The following COMMD10 variants were observed in gnomAD, a reference collection of about 807,000 sequenced individuals.
The protein encoded by COMMD10 is COMM domain-containing protein 10.
COMMD10 carries 33 observed loss-of-function variants against 28.9 expected under a neutral mutation model. The observed-to-expected ratio is 1.14, with a 90% confidence interval of 0.87 to 1.53. COMMD10 has a LOEUF of 1.53. Among genes scored for constraint, COMMD10 ranks in the 40% most tolerant of loss-of-function variants. COMMD10 has a pLI of 0.00. For missense variants in COMMD10, 310 were observed against 233.4 expected, an observed-to-expected ratio of 1.33 and a Z score of -2.14; for synonymous variants, 110 against 81.7, an observed-to-expected ratio of 1.35 and a Z score of -1.87.
At chr5:116,085,216 G>T in intron 1 of COMMD10, 123 bp downstream of exon 1, 1 of 716,906 alleles carries the variant, frequency 1.4e-6, no homozygotes, top group Non-Finnish European at 2.4e-6. Context: ...GTGGGGTGGG[G>T]TGGGGTGGGC....
intron 4 of COMMD10, among the ~76,000 whole-genome samples, chr5:116,124,331 G>T (rs1431449190): frequency 1.3e-5 from 2 of 152,192 alleles, no homozygotes; most frequent in African/African-American, 4.8e-5. Flanking sequence ...TACTTACCCA[G>T]TAGTCATTCA....
At chr5:116,178,357 AGTAAG>A (rs570360202) in intron 5 of COMMD10, among the ~76,000 whole-genome samples, 69 of 152,206 alleles carry the variant, frequency 4.5e-4, no homozygotes, top group Non-Finnish European at 9.7e-4. Flanking sequence ...GCGATTAATT[AGTAAG>A]ATTAAAGCCT....
chr5:116,114,014 TG>T (rs1369972277), intron 4 of COMMD10, among the ~76,000 whole-genome samples: 5 of 152,200 alleles, frequency 3.3e-5, no homozygotes, highest in African/African-American at 1.2e-4. Context: ...GTGTGCGCAT[TG>T]GTGAATACTT....
intron 5 of COMMD10, among the ~76,000 whole-genome samples, chr5:116,268,241 A>C (rs1374889121): frequency 1.3e-5 from 2 of 151,896 alleles, no homozygotes; most frequent in Non-Finnish European, 2.9e-5. Flanking sequence ...AAGAACTTAA[A>C]CAAATTTACA....
At chr5:116,254,212 C>A (rs541895330) in intron 5 of COMMD10, among the ~76,000 whole-genome samples, 1 of 151,868 alleles carries the variant, frequency 6.6e-6, no homozygotes, top group Non-Finnish European at 1.5e-5. Context: ...TTCTTGCTAG[C>A]GGTCTATCAA....
chr5:116,146,154 CT>C (rs1752342328), intron 5 of COMMD10, among the ~76,000 whole-genome samples: 2 of 151,958 alleles, frequency 1.3e-5, no homozygotes, highest in Admixed American at 6.6e-5. Context: ...GAAAGCTGGT[CT>C]TTTGCGAACC....
At chr5:116,243,534 G>A (rs368591619) in intron 5 of COMMD10, among the ~76,000 whole-genome samples, 5 of 152,164 alleles carry the variant, frequency 3.3e-5, no homozygotes, top group East Asian at 1.9e-4. Flanking sequence ...AAGTATCTTG[G>A]TGTTTAAACA....
chr5:116,270,898 C>A (rs114219208), intron 5 of COMMD10, among the ~76,000 whole-genome samples: 5 of 151,706 alleles, frequency 3.3e-5, no homozygotes, highest in Admixed American at 6.6e-5. Context: ...GAGATCACAC[C>A]ATTACACTCC....
intron 4 of COMMD10, among the ~76,000 whole-genome samples, chr5:116,125,585 G>T (rs1239767614): frequency 6.6e-6 from 1 of 152,082 alleles, no homozygotes; most frequent in Non-Finnish European, 1.5e-5. Flanking sequence ...ACCTGAATTT[G>T]AATGTTGGTC....
chr5:116,272,351 C>T (rs905851834), intron 5 of COMMD10, among the ~76,000 whole-genome samples: 1 of 151,832 alleles, frequency 6.6e-6, no homozygotes, highest in Non-Finnish European at 1.5e-5. Context: ...TAAAATTGCT[C>T]TGTGTGATTA....
At chr5:116,146,737 A>G (rs1752362409) in intron 5 of COMMD10, among the ~76,000 whole-genome samples, 1 of 151,772 alleles carries the variant, frequency 6.6e-6, no homozygotes, top group Non-Finnish European at 1.5e-5. Flanking sequence ...TTATATGAGA[A>G]TTATTTAGAG....
At chr5:116,091,049 T>G in intron 2 of COMMD10, 30 bp from the exon 3 acceptor site, 4 of 1,347,980 alleles carry the variant, frequency 3.0e-6, no homozygotes, top group Non-Finnish European at 4.2e-6. Context: ...GAATATGTGC[T>G]AATATAATAG....
chr5:116,237,139 C>T (rs916706957), intron 5 of COMMD10, among the ~76,000 whole-genome samples: 2 of 151,920 alleles, frequency 1.3e-5, no homozygotes, highest in Non-Finnish European at 2.9e-5. Flanking sequence ...ATAACTAGTA[C>T]AAGGATCCTA....
chr5:116,103,119 G>T (rs1296727407), intron 4 of COMMD10, among the ~76,000 whole-genome samples: 4 of 152,096 alleles, frequency 2.6e-5, no homozygotes, highest in Non-Finnish European at 5.9e-5. Flanking sequence ...GAACAGTGCT[G>T]CAATAAACAT....
chr5:116,121,475 A>G (rs945875867), intron 4 of COMMD10, among the ~76,000 whole-genome samples: 6 of 152,214 alleles, frequency 3.9e-5, no homozygotes, highest in African/African-American at 1.4e-4. Context: ...AGCATGATTT[A>G]TAATCCTTTG....
At chr5:116,085,502 C>A (rs1580431215) in intron 1 of COMMD10, 1 of 208,782 alleles carries the variant, frequency 4.8e-6, no homozygotes, top group Non-Finnish European at 9.5e-6. Flanking sequence ...GCTCACGCTG[C>A]TGCTGGAGGG....
intron 5 of COMMD10, among the ~76,000 whole-genome samples, chr5:116,181,444 A>G (rs995681024): frequency 1.3e-5 from 2 of 150,206 alleles, no homozygotes; most frequent in Admixed American, 6.7e-5. Context: ...TACATCTAGT[A>G]TGAAAGAAAT....
At chr5:116,120,281 T>G (rs976206590) in intron 4 of COMMD10, among the ~76,000 whole-genome samples, 1 of 152,082 alleles carries the variant, frequency 6.6e-6, no homozygotes, top group Non-Finnish European at 1.5e-5. Flanking sequence ...ACGTTCTCCC[T>G]TATTGGGAGC....
intron 5 of COMMD10, among the ~76,000 whole-genome samples, chr5:116,227,060 T>A (rs1385717312): frequency 6.6e-6 from 1 of 152,098 alleles, no homozygotes; most frequent in East Asian, 1.9e-4. Flanking sequence ...TTTTGCCTTC[T>A]GGTGTTACAG....
Sources: gnomAD v4.1 joint callset for allele counts (sites outside exome capture counted in the v4.1 genomes callset) on GRCh38, gnomAD v4.1.1 for gene constraint, MANE v1.5 for transcripts, NCBI Gene and HGNC (gene_info 2026-07-23, HGNC 2026-07-21) for gene names.